Variants in LIN52 observed in about 807,000 individuals in gnomAD.
The protein encoded by LIN52 is protein lin-52 homolog.
Under a neutral mutation model 18.5 loss-of-function variants are expected in LIN52, and 4 were observed. The observed-to-expected ratio is 0.22, with a 90% CI of 0.11 to 0.49. LIN52 has a LOEUF of 0.49. Among genes scored for constraint, LIN52 ranks in the 20% least tolerant of loss-of-function variants. The pLI is 0.97. For synonymous variants in LIN52, 34 were observed against 45.5 expected, an observed-to-expected ratio of 0.75 and a Z score of 1.02; for missense variants, 102 against 139.5, an observed-to-expected ratio of 0.73 and a Z score of 1.35.
intron 5 of LIN52, among the ~76,000 whole-genome samples, chr14:74,163,829 A>G (rs2061236606): frequency 2.0e-5 from 3 of 152,184 alleles, no homozygotes. Context: ...GATGGCTTAA[A>G]TAAGGAGGAT....
At chr14:74,119,160 CTTTT>C (rs543503099) in intron 5 of LIN52, among the ~76,000 whole-genome samples, 2 of 115,420 alleles carry the variant, frequency 1.7e-5, no homozygotes, top group Admixed American at 9.4e-5. Flanking sequence ...GATTTTCTTT[CTTTT>C]TTTTTTTTTT....
At chr14:74,087,526 T>C (rs1202739893) in intron 1 of LIN52, among the ~76,000 whole-genome samples, 1 of 152,140 alleles carries the variant, frequency 6.6e-6, no homozygotes, top group African/African-American at 2.4e-5. Context: ...TTACAAAGTT[T>C]CACTCCTCTC....
chr14:74,187,008 T>C (rs758971594), intron 5 of LIN52, among the ~76,000 whole-genome samples: 3 of 151,886 alleles, frequency 2.0e-5, no homozygotes, highest in Non-Finnish European at 4.4e-5. Context: ...GAATGGGAGG[T>C]AGAGGTTGCA....
At chr14:74,158,481 TG>T (rs11325725) in intron 5 of LIN52, among the ~76,000 whole-genome samples, 67,642 of 151,706 alleles carry the variant, frequency 0.45, 16,159 homozygotes, top group Non-Finnish European at 0.53. Flanking sequence ...TTTACTTGTT[TG>T]TTTATTTATT....
At chr14:74,121,946 C>G (rs551259555) in intron 5 of LIN52, among the ~76,000 whole-genome samples, 178 of 152,280 alleles carry the variant, frequency 1.2e-3, no homozygotes, top group Non-Finnish European at 2.0e-3. Flanking sequence ...TGGTCTCAAA[C>G]ACACCTTCAC....
intron 2 of LIN52, among the ~76,000 whole-genome samples, chr14:74,092,629 T>C (rs1774659581): frequency 6.6e-6 from 1 of 151,222 alleles, no homozygotes; most frequent in South Asian, 2.1e-4. Flanking sequence ...TAAAACTACA[T>C]TTATAGGCTG....
At chr14:74,107,468 A>C (rs1003355949) in intron 5 of LIN52, among the ~76,000 whole-genome samples, 4 of 151,960 alleles carry the variant, frequency 2.6e-5, no homozygotes, top group African/African-American at 9.7e-5. Context: ...CTGTCCTTCT[A>C]TCAGCTTTCC....
intron 5 of LIN52, among the ~76,000 whole-genome samples, chr14:74,177,474 G>T (rs998153180): frequency 1.3e-5 from 2 of 149,032 alleles, no homozygotes; most frequent in African/African-American, 4.8e-5. Context: ...ATCATGCAAT[G>T]GTCCAAATAC....
chr14:74,197,143 G>A (rs2078917831), intron 5 of LIN52, among the ~76,000 whole-genome samples: 1 of 152,138 alleles, frequency 6.6e-6, no homozygotes, highest in Non-Finnish European at 1.5e-5. Flanking sequence ...GAGCACTGAG[G>A]GCCACTAACT....
chr14:74,195,538 G>T (rs1212472390), intron 5 of LIN52, among the ~76,000 whole-genome samples: 1 of 107,064 alleles, frequency 9.3e-6, no homozygotes, highest in African/African-American at 3.6e-5. Flanking sequence ...GAAGAGGTGT[G>T]TGTGGGTGTG....
intron 5 of LIN52, among the ~76,000 whole-genome samples, chr14:74,141,323 A>G (rs1235439343): frequency 6.6e-6 from 1 of 152,152 alleles, no homozygotes; most frequent in Admixed American, 6.5e-5. Context: ...TAATATACAT[A>G]CTGTTTTGTG....
At chr14:74,138,875 G>C (rs996261728) in intron 5 of LIN52, among the ~76,000 whole-genome samples, 7 of 151,060 alleles carry the variant, frequency 4.6e-5, no homozygotes, top group Non-Finnish European at 1.0e-4. Flanking sequence ...TGTTAATTAT[G>C]ATAAAGTGCA....
At chr14:74,185,309 C>CTTTTTTTTTTTTTTTTTTTT (rs71115969) in intron 5 of LIN52, among the ~76,000 whole-genome samples, 1 of 78,786 alleles carries the variant, frequency 1.3e-5, no homozygotes, top group Non-Finnish European at 2.2e-5. Flanking sequence ...ATAATGATTT[C>CTTTTTTTTTTTTTTTTTTTT]TTTTTTTTTT....
chr14:74,195,544 G>C (rs1434869122), intron 5 of LIN52, among the ~76,000 whole-genome samples: 5 of 84,472 alleles, frequency 5.9e-5, no homozygotes, highest in African/African-American at 2.3e-4. Flanking sequence ...GTGTGTGTGG[G>C]TGTGTGTGTG....
intron 5 of LIN52, among the ~76,000 whole-genome samples, chr14:74,187,301 G>A (rs1595191801): frequency 6.6e-6 from 1 of 152,090 alleles, no homozygotes; most frequent in East Asian, 1.9e-4. Context: ...TCAGTGTATT[G>A]CATTGCCTCT....
At chr14:74,163,601 C>T (rs543618574) in intron 5 of LIN52, among the ~76,000 whole-genome samples, 4 of 152,250 alleles carry the variant, frequency 2.6e-5, no homozygotes, top group African/African-American at 9.6e-5. Context: ...TACACTCTGG[C>T]TTTTCTTTCG....
chr14:74,164,731 A>G (rs1157078017), intron 5 of LIN52, among the ~76,000 whole-genome samples: 1 of 152,198 alleles, frequency 6.6e-6, no homozygotes, highest in Non-Finnish European at 1.5e-5. Context: ...AGGCACTGAC[A>G]CTGGAAGTTC....
chr14:74,112,182 T>C (rs1262119049), intron 5 of LIN52, among the ~76,000 whole-genome samples: 1 of 152,006 alleles, frequency 6.6e-6, no homozygotes, highest in East Asian at 1.9e-4. Flanking sequence ...ACCTGGCCCC[T>C]TCTTGTGATT....
At chr14:74,161,892 T>C (rs1489783108) in intron 5 of LIN52, among the ~76,000 whole-genome samples, 5 of 152,172 alleles carry the variant, frequency 3.3e-5, no homozygotes, top group Non-Finnish European at 2.9e-5. Context: ...GCCTCAGCTT[T>C]GCAGCCTCCC....
Sources: gnomAD v4.1 joint callset for allele counts (sites outside exome capture counted in the v4.1 genomes callset) on GRCh38, gnomAD v4.1.1 for gene constraint, MANE v1.5 for transcripts, NCBI Gene and HGNC (gene_info 2026-07-23, HGNC 2026-07-21) for gene names.